CDH12: variants seen among roughly 807,000 people sequenced by gnomAD.
The protein encoded by CDH12 is cadherin 12, also known as cadherin-12.
In CDH12, 41 loss-of-function variants were observed where a neutral mutation model predicts 74.1. The ratio of observed to expected loss-of-function variants is 0.55; its 90% CI spans 0.43 to 0.72. CDH12 has a LOEUF of 0.72. Ranked by LOEUF, CDH12 falls within the 30% of genes least tolerant of loss-of-function variation. The pLI, the probability that CDH12 is intolerant of heterozygous loss-of-function variation, is 0.00. For synonymous variants in CDH12, 399 were observed against 355.0 expected, an observed-to-expected ratio of 1.12 and a Z score of -1.39; for missense variants, 945 against 977.2, an observed-to-expected ratio of 0.97 and a Z score of 0.44.
intron 7 of CDH12, among the ~76,000 whole-genome samples, chr5:21,852,088 A>G (rs939408594): frequency 2.6e-5 from 4 of 151,382 alleles, no homozygotes; most frequent in Non-Finnish European, 4.4e-5. Flanking sequence ...AGAAATTGCA[A>G]TTATCCTTGA....
chr5:22,434,429 T>C (rs1252913400), intron 2 of CDH12, among the ~76,000 whole-genome samples: 1 of 152,128 alleles, frequency 6.6e-6, no homozygotes, highest in Non-Finnish European at 1.5e-5. Flanking sequence ...GTCCAAATTT[T>C]CCCCATTTTG....
chr5:21,928,209 C>CTGGAGAGAGACCTAG (rs1283931794), intron 6 of CDH12, among the ~76,000 whole-genome samples: 1 of 151,972 alleles, frequency 6.6e-6, no homozygotes, highest in Non-Finnish European at 1.5e-5. Flanking sequence ...ATAGGTTGTT[C>CTGGAGAGAGACCTAG]TGGAGAGAGA....
intron 5 of CDH12, among the ~76,000 whole-genome samples, chr5:22,058,995 T>A (rs2150202921): frequency 6.6e-6 from 1 of 152,304 alleles, no homozygotes; most frequent in South Asian, 2.1e-4. Flanking sequence ...CATGTGCTTC[T>A]TTTATGATAC....
At chr5:22,652,242 C>T (rs1000687703) in intron 1 of CDH12, among the ~76,000 whole-genome samples, 2 of 152,088 alleles carry the variant, frequency 1.3e-5, no homozygotes, top group South Asian at 2.1e-4. Context: ...TCCTGCACAG[C>T]ACTTAAGAGA....
At chr5:22,831,393 GTGTA>G (rs879873085) in intron 1 of CDH12, among the ~76,000 whole-genome samples, 8 of 150,938 alleles carry the variant, frequency 5.3e-5, no homozygotes, top group African/African-American at 1.7e-4. Context: ...GTGTGTGTGT[GTGTA>G]TTTCAAATGA....
chr5:22,489,294 T>C (rs960568663), intron 2 of CDH12, among the ~76,000 whole-genome samples: 2 of 151,736 alleles, frequency 1.3e-5, no homozygotes, highest in African/African-American at 4.8e-5. Context: ...CCTGACCTCG[T>C]GATCCACCTG....
At chr5:21,982,989 T>A (rs1300011560) in intron 5 of CDH12, among the ~76,000 whole-genome samples, 3 of 152,148 alleles carry the variant, frequency 2.0e-5, no homozygotes, top group Non-Finnish European at 2.9e-5. Flanking sequence ...TGCCTCTCTT[T>A]GGGAGGCTTC....
At chr5:22,571,797 G>A (rs771221827) in intron 1 of CDH12, among the ~76,000 whole-genome samples, 1 of 152,044 alleles carries the variant, frequency 6.6e-6, no homozygotes, top group Admixed American at 6.6e-5. Flanking sequence ...CATGTGGTGG[G>A]GGCAATCGGA....
chr5:22,338,522 G>A (rs971580841), intron 3 of CDH12, among the ~76,000 whole-genome samples: 1 of 152,006 alleles, frequency 6.6e-6, no homozygotes, highest in Non-Finnish European at 1.5e-5. Context: ...TAGCACAGTA[G>A]GGGGACTATA....
intron 2 of CDH12, among the ~76,000 whole-genome samples, chr5:22,421,295 T>G (rs1743641558): frequency 6.6e-6 from 1 of 152,168 alleles, no homozygotes; most frequent in Non-Finnish European, 1.5e-5. Context: ...CCCATCAATC[T>G]GTCATCTACA....
intron 2 of CDH12, among the ~76,000 whole-genome samples, chr5:22,442,468 C>T (rs146575603): frequency 1.1e-3 from 168 of 152,124 alleles, no homozygotes; most frequent in Admixed American, 2.6e-3. Context: ...AGTGAGGCCC[C>T]GTCTCATTTC....
chr5:22,812,645 G>A (rs1038454010), intron 1 of CDH12, among the ~76,000 whole-genome samples: 7 of 152,102 alleles, frequency 4.6e-5, no homozygotes, highest in Non-Finnish European at 7.4e-5. Context: ...TTGGGGGTGT[G>A]GGAAAAGTGC....
intron 6 of CDH12, among the ~76,000 whole-genome samples, chr5:21,873,168 A>ACCTAAT (rs1751736665): frequency 2.6e-5 from 4 of 152,240 alleles, no homozygotes; most frequent in Admixed American, 2.6e-4. Flanking sequence ...AATTAGTCCC[A>ACCTAAT]CCTAATCCTA....
chr5:22,718,279 C>G (rs186066475), intron 1 of CDH12, among the ~76,000 whole-genome samples: 1 of 152,166 alleles, frequency 6.6e-6, no homozygotes, highest in Non-Finnish European at 1.5e-5. Context: ...AATCATACTA[C>G]TCTTTCCATC....
chr5:22,768,013 A>G (rs1746608636), intron 1 of CDH12, among the ~76,000 whole-genome samples: 1 of 151,994 alleles, frequency 6.6e-6, no homozygotes, highest in Admixed American at 6.6e-5. Context: ...CTACAGTTAT[A>G]AATTCAGTGA....
chr5:21,942,624 C>T (rs1262790518), intron 6 of CDH12, among the ~76,000 whole-genome samples: 1 of 151,436 alleles, frequency 6.6e-6, no homozygotes, highest in Non-Finnish European at 1.5e-5. Context: ...AAATGTATAT[C>T]TGTGTATGTG....
intron 1 of CDH12, among the ~76,000 whole-genome samples, chr5:22,763,250 C>G (rs1333724868): frequency 6.6e-6 from 1 of 151,816 alleles, no homozygotes; most frequent in Non-Finnish European, 1.5e-5. Context: ...AAAAATCTGT[C>G]TTACATTTTA....
intron 6 of CDH12, among the ~76,000 whole-genome samples, chr5:21,931,770 A>G (rs953770692): frequency 1.3e-5 from 2 of 152,178 alleles, no homozygotes; most frequent in Non-Finnish European, 2.9e-5. Flanking sequence ...TTTCCTTCCT[A>G]AACCTTTTCT....
At chr5:21,800,272 G>A (rs1377501065) in intron 10 of CDH12, among the ~76,000 whole-genome samples, 1 of 152,100 alleles carries the variant, frequency 6.6e-6, no homozygotes, top group African/African-American at 2.4e-5. Flanking sequence ...ATTAGAAGAA[G>A]TTGAGACTTT....
Sources: gnomAD v4.1 joint callset for allele counts (sites outside exome capture counted in the v4.1 genomes callset) on GRCh38, gnomAD v4.1.1 for gene constraint, MANE v1.5 for transcripts, NCBI Gene and HGNC (gene_info 2026-07-23, HGNC 2026-07-21) for gene names.